DNAH17: variants seen among roughly 807,000 people sequenced by gnomAD.
DNAH17 encodes the protein dynein axonemal heavy chain 17, also known as axonemal beta dynein heavy chain 17.
DNAH17 carries 376 observed loss-of-function variants against 485.6 expected under a neutral mutation model. The ratio of observed to expected loss-of-function variants is 0.77; its 90% CI spans 0.71 to 0.84. The LOEUF (loss-of-function observed/expected upper bound fraction) is 0.84. Among genes scored for constraint, DNAH17 ranks in the 40% least tolerant of loss-of-function variants. DNAH17 has a pLI of 0.00. For missense variants in DNAH17, 6,370 were observed against 5,839.3 expected (o/e 1.09, Z -2.96); for synonymous variants, 3,031 against 2,405.9 (o/e 1.26, Z -7.60).
At chr17:78,464,354 G>A (rs1023013213) in intron 56 of DNAH17, among the ~76,000 whole-genome samples, 2 of 152,154 alleles carry the variant, frequency 1.3e-5, no homozygotes, top group African/African-American at 4.8e-5. Context: ...CCGCCTCCCG[G>A]GTTCAAGTGA....
chr17:78,491,164 G>A (rs750355067), intron 43 of DNAH17, among the ~76,000 whole-genome samples: 1 of 152,242 alleles, frequency 6.6e-6, no homozygotes, highest in East Asian at 1.9e-4. Flanking sequence ...TTTAGAAAAT[G>A]GCTTCTAGAC....
At position 78,501,298 on chromosome 17, in the gene DNAH17, C is replaced by T. The variant is rs150508501; in HGVS notation, c.5369G>A (p.Arg1790His). Residue 1790 changes from arginine (R) to histidine (H), a missense_variant, in exon 35 of 81, where the codon CGC (arginine) becomes CAC (histidine). Transcript: ENST00000389840. Reference sequence around the variant, plus strand: ...GCAGTGTCGCTTCTCTTCGTCCCAGCGATGCCGGAGCTGGGCCTGCCAGGT... The same window carrying T: ...GCAGTGTCGCTTCTCTTCGTCCCAGTGATGCCGGAGCTGGGCCTGCCAGGT... ...AFTWQAQLRHRWDEEKRHCFA... is the reference protein window; with the variant it reads ...AFTWQAQLRHHWDEEKRHCFA... The T allele has an allele frequency of 2.3e-4, 370 of 1,606,358 alleles. No individual in the cohort carries two copies. The African/African-American group carries it at 4.2e-3, about 18-fold the overall frequency.
intron 51 of DNAH17, among the ~76,000 whole-genome samples, chr17:78,478,270 ACC>A: frequency 1.4e-5 from 2 of 146,008 alleles, no homozygotes; most frequent in African/African-American, 5.2e-5. Flanking sequence ...TATCATCTCC[ACC>A]ACCATCACCA....
intron 63 of DNAH17, among the ~76,000 whole-genome samples, chr17:78,455,190 G>A (rs568474537): frequency 5.1e-4 from 78 of 151,938 alleles, no homozygotes; most frequent in Non-Finnish European, 7.2e-4. Flanking sequence ...GATTACAGGC[G>A]TGAGCCACCA....
At chr17:78,571,488 G>GCC in intron 4 of DNAH17, 102 bp downstream of exon 4, 1 of 1,498,222 alleles carries the variant, frequency 6.7e-7, no homozygotes. Context: ...GGTCATCAGA[G>GCC]CCCTCAGGAC....
intron 14 of DNAH17, among the ~76,000 whole-genome samples, chr17:78,556,586 CG>C (rs1482998952): frequency 6.6e-6 from 1 of 152,078 alleles, no homozygotes; most frequent in African/African-American, 2.4e-5. Context: ...TACAAATGGT[CG>C]CCTTTCCCAG....
At chr17:78,463,108 G>A (rs1316752623) in intron 56 of DNAH17, 31 bp from the exon 57 acceptor site, 1 of 1,603,374 alleles carries the variant, frequency 6.2e-7, no homozygotes, top group Non-Finnish European at 8.5e-7. Context: ...GTCATCCCTG[G>A]GACCCCATCC....
rs760247880 is a variant in DNAH17 at position 78,561,950 on chromosome 17, G to A, written c.1600C>T (p.Arg534Trp). ...LLYMCGGLME[R>W]PLILAEVAPR... is the part of the protein sequence containing the mutation. ...GCCACCTCGGCAAGAATCAGGGGCC[G>A]CTCCATGAGGCCCCCACACATGTAC... The change falls in exon 12 of 81, where the codon CGG (arginine) becomes TGG (tryptophan). Residue 534 changes from arginine to tryptophan, a missense_variant. By Grantham distance (101) the Arg-to-Trp change is moderately radical. Transcript: ENST00000389840. The A allele has an allele frequency of 4.1e-5, 66 of 1,610,654 alleles. No individual in the cohort carries two copies. The highest frequency in any genetic ancestry group is 3.3e-4 in the Middle Eastern group (2 of 6,076).
intron 13 of DNAH17, among the ~76,000 whole-genome samples, chr17:78,560,475 T>A (rs954254289): frequency 2.9e-5 from 4 of 139,706 alleles, no homozygotes; most frequent in African/African-American, 5.0e-5. Flanking sequence ...CGGCAAAGAC[T>A]TTTTCCCCCC....
chr17:78,541,433 G>A (rs1017655165), intron 17 of DNAH17, among the ~76,000 whole-genome samples: 1 of 151,248 alleles, frequency 6.6e-6, no homozygotes, highest in Non-Finnish European at 1.5e-5. Flanking sequence ...GAATCTCTAG[G>A]ATACTAAGTG....
rs903367937 is a variant in DNAH17, at chr17:78,484,667, A to AC, written c.7649+200dup. On this transcript the variant is annotated intron_variant, in intron 48 of 80. Transcript: ENST00000389840. The stretch of plus-strand genomic sequence containing the variant: ...AGAACCTCTCCCCTACCCTGGCCCT[A>AC]CCTCAATGCCTTGTGGCCCCACAAA... The AC allele has an allele frequency of 2.9e-4, 108 of 373,732 alleles. 1 individual carries two copies. Among genetic ancestry groups the AC allele is most frequent in the Middle Eastern group, 2.4e-3 (3 of 1,234 alleles). 23.2% of individuals were successfully genotyped at this position (373,732 alleles called of 1,614,324 possible).
intron 54 of DNAH17, 114 bp downstream of exon 54, chr17:78,475,164 G>A: frequency 8.3e-7 from 1 of 1,199,152 alleles, no homozygotes; most frequent in South Asian, 1.5e-5. Context: ...AAGGACTATT[G>A]GTGATGCTCG....
intron 31 of DNAH17, among the ~76,000 whole-genome samples, chr17:78,504,517 G>A (rs530555703): frequency 4.2e-5 from 6 of 143,034 alleles, no homozygotes; most frequent in Admixed American, 3.0e-4. Flanking sequence ...AGCAGGCCAC[G>A]TGTGTGCTGT....
chr17:78,548,207 T>TTTTTTTTC (rs2091818205), intron 16 of DNAH17, among the ~76,000 whole-genome samples: 2 of 128,328 alleles, frequency 1.6e-5, no homozygotes, highest in Non-Finnish European at 3.3e-5. Context: ...ATGGCCTTTT[T>TTTTTTTTC]TTTTTTTTTT....
chr17:78,476,527 G>A (rs558445023), intron 52 of DNAH17, 45 bp downstream of exon 52: 12 of 1,572,990 alleles, frequency 7.6e-6, no homozygotes, highest in Non-Finnish European at 1.0e-5. Flanking sequence ...CCACCCTCCT[G>A]GAGCCATTCT....
At chr17:78,508,976 T>C (rs940456135) in intron 27 of DNAH17, among the ~76,000 whole-genome samples, 4 of 148,304 alleles carry the variant, frequency 2.7e-5, no homozygotes, top group Non-Finnish European at 6.0e-5. Flanking sequence ...GCTGTTTTTT[T>C]TTTTTTTTGA....
Position 78,526,907 on chromosome 17 carries a change from G to A in DNAH17, c.3597C>T (p.Ile1199=). Residue 1199 remains isoleucine, a synonymous_variant, in exon 23 of 81, where the codon ATC becomes ATT. Transcript: ENST00000389840. ...VAPLQANEVS[I]LRRKCQQFEL... is the part of the protein sequence containing the mutation. ...CGAATTGCTGGCATTTCCGCCGCAG[G>A]ATGCTGACCTCGTTGGCCTGGAGTG... The A allele has an allele frequency of 6.3e-7, 1 of 1,580,588 alleles. No individual in the cohort carries two copies. The highest frequency in any genetic ancestry group is 1.7e-4 in the Middle Eastern group (1 of 6,006).
At chr17:78,472,416 G>A (rs1159582156) in intron 54 of DNAH17, among the ~76,000 whole-genome samples, 1 of 151,986 alleles carries the variant, frequency 6.6e-6, no homozygotes, top group East Asian at 1.9e-4. Flanking sequence ...ATGAGGCCAA[G>A]CCCCCACCCC....
chr17:78,461,853 G>C, intron 57 of DNAH17, 145 bp from the exon 58 acceptor site: 1 of 715,052 alleles, frequency 1.4e-6, no homozygotes, highest in Non-Finnish European at 2.2e-6. Flanking sequence ...GTTTTGGAGA[G>C]TCTTTTCAAT....
Sources: gnomAD v4.1 joint callset for allele counts (sites outside exome capture counted in the v4.1 genomes callset) on GRCh38, gnomAD v4.1.1 for gene constraint, MANE v1.5 for transcripts, NCBI Gene and HGNC (gene_info 2026-07-23, HGNC 2026-07-21) for gene names.